The following L3MBTL4 variants were observed in gnomAD, a reference collection of about 807,000 sequenced individuals.
The protein encoded by L3MBTL4 is L3MBTL histone methyl-lysine binding protein 4, also known as lethal(3)malignant brain tumor-like protein 4.
Under a neutral mutation model 84.5 loss-of-function variants are expected in L3MBTL4, and 70 were observed. The ratio of observed to expected loss-of-function variants is 0.83; its 90% CI spans 0.68 to 1.01. L3MBTL4 has a LOEUF of 1.01. Ranked by LOEUF, L3MBTL4 falls within the 50% of genes least tolerant of loss-of-function variation. L3MBTL4 has a pLI of 0.00. For missense variants in L3MBTL4, 715 were observed against 754.8 expected, an observed-to-expected ratio of 0.95 and a Z score of 0.62; for synonymous variants, 274 against 259.8, an observed-to-expected ratio of 1.05 and a Z score of -0.52.
At chr18:6,364,028 T>A (rs1176487673) in intron 1 of L3MBTL4, among the ~76,000 whole-genome samples, 4 of 152,162 alleles carry the variant, frequency 2.6e-5, no homozygotes, top group Non-Finnish European at 5.9e-5. Flanking sequence ...GGGGTCTCTA[T>A]GATATTTTTA....
intron 9 of L3MBTL4, 91 bp downstream of exon 9, chr18:6,239,627 G>A: frequency 2.3e-6 from 3 of 1,297,366 alleles, no homozygotes; most frequent in South Asian, 2.5e-5. Flanking sequence ...ACTATTAGAA[G>A]AGCAAAAACA....
chr18:6,093,640 C>G (rs2143665670), intron 14 of L3MBTL4, 112 bp from the exon 15 acceptor site: 1 of 832,356 alleles, frequency 1.2e-6, no homozygotes, highest in Non-Finnish European at 1.7e-6. Context: ...TAGAAACATT[C>G]TTCTTTCCCT....
chr18:5,998,628 G>A (rs1388629440), intron 16 of L3MBTL4, among the ~76,000 whole-genome samples: 5 of 152,188 alleles, frequency 3.3e-5, no homozygotes, highest in African/African-American at 1.2e-4. Flanking sequence ...GTCTGGCCTT[G>A]TCTGAGGCAG....
intron 4 of L3MBTL4, among the ~76,000 whole-genome samples, chr18:6,273,588 CG>C (rs56998677): frequency 0.21 from 31,647 of 152,068 alleles, 3,573 homozygotes; most frequent in African/African-American, 0.3. Flanking sequence ...TCATGACAGT[CG>C]GAAGTGGGAG....
At chr18:6,401,797 A>G (rs2055522514) in intron 1 of L3MBTL4, among the ~76,000 whole-genome samples, 2 of 152,238 alleles carry the variant, frequency 1.3e-5, no homozygotes, top group African/African-American at 2.4e-5. Flanking sequence ...TAACGTGGGC[A>G]CAAAGGCATT....
rs111678213 is a variant in L3MBTL4, at chr18:6,401,696, C to T, written c.-91+13105G>A. Among the ~76,000 whole-genome samples, 1,384 of 152,278 alleles carry T rather than the reference C, an allele frequency of 9.1e-3. 21 individuals are homozygous for T. Among genetic ancestry groups the T allele is most frequent in the East Asian group, 0.024 (125 of 5,182 alleles). ...AAGGTGAGAGTCAATAGGAAAAGTGCGCCCTGTGCACACCCACAAGGCGGC... is the reference window on the plus strand; with the variant it reads ...AAGGTGAGAGTCAATAGGAAAAGTGTGCCCTGTGCACACCCACAAGGCGGC... On this transcript the variant is annotated intron_variant, in intron 1 of 18. Coordinates refer to ENST00000317931, the MANE Select transcript of L3MBTL4 (RefSeq NM_001330559.2).
intron 16 of L3MBTL4, among the ~76,000 whole-genome samples, chr18:5,994,352 G>A (rs2053847578): frequency 6.6e-6 from 1 of 152,142 alleles, no homozygotes; most frequent in Admixed American, 6.5e-5. Flanking sequence ...CAAAGCAGGT[G>A]CTCAAAAAAG....
intron 16 of L3MBTL4, among the ~76,000 whole-genome samples, chr18:6,037,630 A>G (rs1249629279): frequency 1.3e-5 from 2 of 152,240 alleles, no homozygotes; most frequent in Non-Finnish European, 2.9e-5. Context: ...ATCTCGGGTT[A>G]AATTAGCTTC....
intron 13 of L3MBTL4, among the ~76,000 whole-genome samples, chr18:6,156,949 G>A (rs1169111093): frequency 6.6e-6 from 1 of 152,198 alleles, no homozygotes; most frequent in East Asian, 1.9e-4. Context: ...CAACAACTAA[G>A]TTATAGAATC....
chr18:6,061,741 G>T (rs995899452), intron 16 of L3MBTL4, among the ~76,000 whole-genome samples: 1 of 151,396 alleles, frequency 6.6e-6, no homozygotes, highest in African/African-American at 2.4e-5. Context: ...CACTTTATAC[G>T]ATTCAATTTT....
At chr18:6,066,898 T>G (rs550592609) in intron 16 of L3MBTL4, among the ~76,000 whole-genome samples, 12 of 152,030 alleles carry the variant, frequency 7.9e-5, no homozygotes, top group Non-Finnish European at 1.5e-4. Context: ...AGTGATCATA[T>G]TAGATGTTGC....
intron 4 of L3MBTL4, among the ~76,000 whole-genome samples, chr18:6,283,370 G>C (rs181761611): frequency 2.0e-3 from 297 of 152,200 alleles, no homozygotes; most frequent in African/African-American, 6.1e-3. Context: ...ACTATTTCTG[G>C]TTATGTAAGA....
intron 16 of L3MBTL4, among the ~76,000 whole-genome samples, chr18:6,016,095 C>A (rs1276872213): frequency 6.6e-6 from 1 of 152,150 alleles, no homozygotes; most frequent in Non-Finnish European, 1.5e-5. Context: ...TGTCAGGAGA[C>A]AGAGCAAGGG....
intron 14 of L3MBTL4, among the ~76,000 whole-genome samples, chr18:6,135,245 C>T (rs1308586936): frequency 6.6e-6 from 1 of 152,134 alleles, no homozygotes; most frequent in Non-Finnish European, 1.5e-5. Context: ...ACCACTTTTT[C>T]CTCCTGGGCC....
At chr18:6,362,441 T>A (rs1005894058) in intron 1 of L3MBTL4, among the ~76,000 whole-genome samples, 1 of 152,214 alleles carries the variant, frequency 6.6e-6, no homozygotes, top group East Asian at 1.9e-4. Context: ...TCTCTCCTTC[T>A]GCTAACAGAG....
intron 6 of L3MBTL4, 129 bp from the exon 7 acceptor site, chr18:6,243,558 T>C: frequency 3.0e-6 from 2 of 666,862 alleles, no homozygotes; most frequent in Non-Finnish European, 2.3e-6. Context: ...TATCCAAATG[T>C]TTCCATTAAA....
intron 3 of L3MBTL4, among the ~76,000 whole-genome samples, chr18:6,304,834 C>T (rs951383289): frequency 3.9e-5 from 6 of 152,144 alleles, no homozygotes; most frequent in African/African-American, 1.2e-4. Flanking sequence ...AAACAGCATT[C>T]GAGAGTTGAT....
intron 1 of L3MBTL4, among the ~76,000 whole-genome samples, chr18:6,332,757 C>T (rs139863940): frequency 4.1e-4 from 62 of 152,322 alleles, no homozygotes; most frequent in Non-Finnish European, 7.3e-4. Context: ...TCCAGCTCCA[C>T]CCCAGTACTG....
At chr18:6,080,434 A>G (rs559398487) in intron 16 of L3MBTL4, among the ~76,000 whole-genome samples, 2 of 152,324 alleles carry the variant, frequency 1.3e-5, no homozygotes, top group Admixed American at 6.5e-5. Flanking sequence ...CTAGACTCCA[A>G]CAGATTCCTC....
Sources: gnomAD v4.1 joint callset for allele counts (sites outside exome capture counted in the v4.1 genomes callset) on GRCh38, gnomAD v4.1.1 for gene constraint, MANE v1.5 for transcripts, NCBI Gene and HGNC (gene_info 2026-07-23, HGNC 2026-07-21) for gene names.